The following GLIS3 variants were observed in gnomAD, a reference collection of about 807,000 sequenced individuals.
The protein encoded by GLIS3 is GLIS family zinc finger 3, also known as zinc finger protein GLIS3.
Under a neutral mutation model 78.6 loss-of-function variants are expected in GLIS3, and 53 were observed. The ratio of observed to expected loss-of-function variants is 0.67; its 90% CI spans 0.54 to 0.85. The LOEUF is 0.85. Among genes scored for constraint, GLIS3 ranks in the 40% least tolerant of loss-of-function variants. The pLI, the probability that GLIS3 is intolerant of heterozygous loss-of-function variation, is 0.00. For synonymous variants in GLIS3, 684 were observed against 509.9 expected, an observed-to-expected ratio of 1.34 and a Z score of -4.60; for missense variants, 1,703 against 1,231.1, an observed-to-expected ratio of 1.38 and a Z score of -5.74.
chr9:4,238,349 G>A (rs1294704495), intron 2 of GLIS3, among the ~76,000 whole-genome samples: 1 of 152,126 alleles, frequency 6.6e-6, no homozygotes, highest in African/African-American at 2.4e-5. Context: ...TTGGTGGAGA[G>A]GAAGAATATG....
rs57238941 is a variant in GLIS3, at chr9:4,143,564, C to CAA, written c.389-17625_389-17624dup. Among the ~76,000 whole-genome samples the CAA allele has an allele frequency of 2.8e-5, 4 of 142,858 alleles. No homozygotes were observed. The East Asian group carries it at 6.5e-4, about 23-fold the overall frequency. The allele number at this position is 142,858 out of a possible 152,430, so 93.7% of individuals were successfully genotyped here. On this transcript the variant is annotated intron_variant, in intron 2 of 10. Transcript: ENST00000381971. ...CCTGGGCGACAGAGCAAGACTGTCT[C>CAA]AAAAAAAAAAATAAAAACAAAAAAA... is the stretch of plus-strand genomic sequence containing the variant.
intron 4 of GLIS3, among the ~76,000 whole-genome samples, chr9:4,072,970 T>C (rs1827733058): frequency 6.6e-6 from 1 of 152,094 alleles, no homozygotes; most frequent in South Asian, 2.1e-4. Flanking sequence ...CTATACAGCA[T>C]GATGTTTGTA....
chr9:4,221,579 AT>A (rs548977015), intron 2 of GLIS3, among the ~76,000 whole-genome samples: 7 of 151,508 alleles, frequency 4.6e-5, no homozygotes, highest in Admixed American at 6.6e-5. Context: ...ACCTGACTTG[AT>A]TTTTTTTTCA....
chr9:4,195,364 C>T (rs1173304225), intron 2 of GLIS3, among the ~76,000 whole-genome samples: 1 of 152,164 alleles, frequency 6.6e-6, no homozygotes, highest in Non-Finnish European at 1.5e-5. Context: ...TCTGGGTGGG[C>T]GTGGGCTTGG....
rs34789708 is a variant in GLIS3, at chr9:3,908,706, G to GTTTTTTTTTTTTTTTTTTTTTTTTT, written c.1984-9872_1984-9871insAAAAAAAAAAAAAAAAAAAAAAAAA. Reference sequence around the variant, plus strand: ...GCACCATCAATTGTGATTTGTATTTGTTTTTTTTTTTTTTTTTTTTTTGTA... The same window carrying GTTTTTTTTTTTTTTTTTTTTTTTTT: ...GCACCATCAATTGTGATTTGTATTTGTTTTTTTTTTTTTTTTTTTTTTTTTTTTTTTTTTTTTTTTTTTTTTTGTA... On this transcript the variant is annotated intron_variant, in intron 6 of 10. Transcript: ENST00000381971. Among the ~76,000 whole-genome samples, 6 of 85,556 alleles carry GTTTTTTTTTTTTTTTTTTTTTTTTT rather than the reference G, an allele frequency of 7.0e-5. 1 individual carries two copies. Among genetic ancestry groups the GTTTTTTTTTTTTTTTTTTTTTTTTT allele is most frequent in the African/African-American group, 1.6e-4 (3 of 18,480 alleles). The allele number at this position is 85,556 out of a possible 152,430, so 56.1% of individuals were successfully genotyped here.
At chr9:4,397,784 GGGAGGGGAGA>G in the GLIS3 span, among the ~76,000 whole-genome samples, 1 of 150,056 alleles carries the variant, frequency 6.7e-6, no homozygotes, top group Non-Finnish European at 1.5e-5. Context: ...AGGAGGGGAG[GGGAGGGGAGA>G]GGAGGAAGGA....
At chr9:4,377,964 A>T in the GLIS3 span, among the ~76,000 whole-genome samples, 1 of 152,178 alleles carries the variant, frequency 6.6e-6, no homozygotes, top group Non-Finnish European at 1.5e-5. Context: ...TGTCTATAAG[A>T]TTGTAAAGCA....
chr9:3,955,840 G>T (rs1371912728), intron 4 of GLIS3, among the ~76,000 whole-genome samples: 1 of 152,038 alleles, frequency 6.6e-6, no homozygotes, highest in Non-Finnish European at 1.5e-5. Context: ...ACTTGCCTAA[G>T]AGACCATAAA....
chr9:4,437,765 C>G, the GLIS3 span, among the ~76,000 whole-genome samples: 1 of 152,146 alleles, frequency 6.6e-6, no homozygotes, highest in South Asian at 2.1e-4. Flanking sequence ...TCTTCCTCAG[C>G]CTACTTGTTG....
chr9:3,901,888 G>C (rs1823331192), intron 6 of GLIS3, among the ~76,000 whole-genome samples: 1 of 152,134 alleles, frequency 6.6e-6, no homozygotes, highest in Admixed American at 6.5e-5. Context: ...AAAAATTCAA[G>C]GCTTGGAATG....
At chr9:3,884,325 T>C (rs1321859134) in intron 7 of GLIS3, among the ~76,000 whole-genome samples, 1 of 152,194 alleles carries the variant, frequency 6.6e-6, no homozygotes, top group Non-Finnish European at 1.5e-5. Flanking sequence ...GGAGGAAGGC[T>C]ACTATAGGCA....
the GLIS3 span, among the ~76,000 whole-genome samples, chr9:4,472,911 C>A: frequency 1.3e-5 from 2 of 152,074 alleles, no homozygotes; most frequent in African/African-American, 2.4e-5. Context: ...TTCTAGATAT[C>A]ATTAACAAAC....
chr9:4,368,910 G>A, the GLIS3 span, among the ~76,000 whole-genome samples: 1 of 152,196 alleles, frequency 6.6e-6, no homozygotes, highest in South Asian at 2.1e-4. Context: ...CCTCTTCAAA[G>A]CTCTTCAATG....
chr9:3,874,256 A>C (rs896687887), intron 8 of GLIS3, among the ~76,000 whole-genome samples: 4 of 152,196 alleles, frequency 2.6e-5, no homozygotes, highest in African/African-American at 9.6e-5. Flanking sequence ...AATCACGCCT[A>C]TGTAATGAAG....
chr9:3,929,450 C>A (rs1356522922), intron 6 of GLIS3, among the ~76,000 whole-genome samples: 1 of 152,000 alleles, frequency 6.6e-6, no homozygotes, highest in Non-Finnish European at 1.5e-5. Context: ...GGGCCACGTG[C>A]CCACGGTCAG....
At chr9:4,052,723 C>G (rs1303729304) in intron 4 of GLIS3, among the ~76,000 whole-genome samples, 1 of 152,208 alleles carries the variant, frequency 6.6e-6, no homozygotes, top group Non-Finnish European at 1.5e-5. Context: ...CATTCATCCA[C>G]TGATGGACAT....
chr9:4,174,931 C>T (rs1816688134), intron 2 of GLIS3, among the ~76,000 whole-genome samples: 1 of 152,188 alleles, frequency 6.6e-6, no homozygotes, highest in Non-Finnish European at 1.5e-5. Context: ...GCAAATATGA[C>T]TGACGACGCT....
the GLIS3 span, among the ~76,000 whole-genome samples, chr9:4,425,010 T>A: frequency 8.3e-4 from 127 of 152,234 alleles, 1 homozygote; most frequent in South Asian, 4.6e-3. Flanking sequence ...AGCTCCCGTA[T>A]TCCCCTCTTC....
At chr9:4,435,888 G>T in the GLIS3 span, among the ~76,000 whole-genome samples, 2 of 152,224 alleles carry the variant, frequency 1.3e-5, no homozygotes, top group African/African-American at 2.4e-5. Flanking sequence ...GGTGGAGCTT[G>T]CAGTGAGCCA....
Sources: gnomAD v4.1 joint callset for allele counts (sites outside exome capture counted in the v4.1 genomes callset) on GRCh38, gnomAD v4.1.1 for gene constraint, MANE v1.5 for transcripts, NCBI Gene and HGNC (gene_info 2026-07-23, HGNC 2026-07-21) for gene names.